The following FBXO6 variants were observed in gnomAD, a reference collection of about 807,000 sequenced individuals.
FBXO6 encodes F-box only protein 6.
A neutral mutation model predicts 25.0 loss-of-function variants in FBXO6; 13 were observed. That is an observed-to-expected ratio of 0.52 (90% CI 0.34 to 0.83). The LOEUF (loss-of-function observed/expected upper bound fraction) is 0.83, where lower values mean the gene tolerates loss of function less well. FBXO6 is among the 40% of genes least tolerant of loss of function. The pLI, the probability that FBXO6 is intolerant of heterozygous loss-of-function variation, is 0.02. For synonymous variants in FBXO6, 138 were observed against 155.3 expected, an observed-to-expected ratio of 0.89 and a Z score of 0.83; for missense variants, 370 against 380.2, an observed-to-expected ratio of 0.97 and a Z score of 0.22.
chr1:11,665,909 A>G (rs1020413919), intron 1 of FBXO6, among the ~76,000 whole-genome samples: 13 of 151,726 alleles, frequency 8.6e-5, no homozygotes, highest in Non-Finnish European at 1.9e-4. Flanking sequence ...CTAGACTACA[A>G]GCATTTTTAA....
At position 11,673,362 on chromosome 1, in the gene FBXO6, G is replaced by A. The variant is rs777302213; in HGVS notation, c.595G>A (p.Glu199Lys). ...TGACTACTTCGTGTTGGCCTCCTTC[G>A]AGCCCCCACCTGTGACCATCCAACA... Reference protein sequence around the residue: ...SADYFVLASFEPPPVTIQQWN... With the variant: ...SADYFVLASFKPPPVTIQQWN... Residue 199 changes from glutamate to lysine, a missense_variant, in exon 5 of 6, where the codon GAG becomes AAG. Glu to Lys is a moderately conservative substitution (Grantham distance 56). Transcript: ENST00000376753. This position sits in a 1 kb window ranked among gnomAD's most constrained non-coding sequence, Gnocchi z 4.3. 5.6e-6 allele frequency: 9 copies of A among 1,613,902 alleles called. No homozygotes were observed. Among genetic ancestry groups the A allele is most frequent in the East Asian group, 2.2e-5 (1 of 44,896 alleles).
At chr1:11,672,658 G>C (rs1178828299) in intron 4 of FBXO6, among the ~76,000 whole-genome samples, 3 of 152,134 alleles carry the variant, frequency 2.0e-5, no homozygotes, top group African/African-American at 7.2e-5. Context: ...GGAACCCCCA[G>C]GTCCCCTGAC....
chr1:11,669,671 TATGTACACATATATACGTATATATAC>T (rs1640554664), intron 2 of FBXO6, among the ~76,000 whole-genome samples: 1 of 141,812 alleles, frequency 7.1e-6, no homozygotes, highest in Admixed American at 6.9e-5. Flanking sequence ...CACATGTATA[TATGTACACATATATACGTATATATAC>T]ATATGTATAC....
chr1:11,671,803 G>A (rs552324857), intron 3 of FBXO6, 125 bp from the exon 4 acceptor site: 26 of 823,652 alleles, frequency 3.2e-5, no homozygotes, highest in Non-Finnish European at 3.5e-5. Context: ...GTCCCGCAGC[G>A]GCCAAGGGGT....
At chr1:11,671,423 T>C (rs1238805443) in intron 3 of FBXO6, 31 bp downstream of exon 3, 2 of 1,607,204 alleles carry the variant, frequency 1.2e-6, no homozygotes, top group East Asian at 4.5e-5. Context: ...CAGGCTTGCG[T>C]GGAGGGGACA....
Position 11,673,813 on chromosome 1 carries a change from G to A in FBXO6, c.844G>A (p.Ala282Thr). ...GCAGAAGCATGGACAGGAGGAGGCT[G>A]CCCAATCGCCCTACCGAGCTGTTGT... ...PGQKHGQEEA[A>T]QSPYRAVVQI... is the part of the protein sequence containing the mutation. Residue 282 changes from alanine (A) to threonine (T), a missense_variant, in exon 6 of 6, where the codon GCC (alanine) becomes ACC (threonine). Transcript: ENST00000376753. This position sits in a 1 kb window ranked among gnomAD's most constrained non-coding sequence, Gnocchi z 4.3. 1 of 1,614,120 alleles carries A rather than the reference G, an allele frequency of 6.2e-7. No individual in the cohort carries two copies. The highest frequency in any genetic ancestry group is 8.5e-7 in the Non-Finnish European group (1 of 1,180,034).
intron 1 of FBXO6, chr1:11,664,762 G>T (rs1640353306): frequency 1.3e-5 from 2 of 152,268 alleles, no homozygotes; most frequent in Non-Finnish European, 2.9e-5. Flanking sequence ...ACTAGAGCTT[G>T]CTGGGAGGGT....
chr1:11,668,790 G>A lies in FBXO6; in HGVS notation c.132G>A (p.Trp44Ter), dbSNP rs141454413. 11 of 1,614,020 alleles carry A rather than the reference G, an allele frequency of 6.8e-6. No homozygotes were observed. Among genetic ancestry groups the A allele is most frequent in the Non-Finnish European group, 7.6e-6 (9 of 1,180,050 alleles). ...ACTGCCGCCTGGTCTGCAGCCTCTGGCGGGACCTCATCGACCTCATGACCC... is the reference window on the plus strand; with the variant it reads ...ACTGCCGCCTGGTCTGCAGCCTCTGACGGGACCTCATCGACCTCATGACCC... ...LLNCRLVCSL[W>*]RDLIDLMTLW... Residue 44 changes from tryptophan to a stop codon, truncating the protein, a stop_gained, in exon 2 of 6, where the codon TGG (tryptophan) becomes TGA (stop). Transcript: ENST00000376753. LOFTEE classifies it high-confidence loss of function.
At chr1:11,670,657 A>T (rs1557673735) in intron 2 of FBXO6, among the ~76,000 whole-genome samples, 1 of 146,706 alleles carries the variant, frequency 6.8e-6, no homozygotes, top group South Asian at 2.2e-4. Flanking sequence ...GGGTGTCGCT[A>T]TGTTCCCCAG....
At chr1:11,668,979 C>T (rs761613615) in intron 2 of FBXO6, 35 bp downstream of exon 2, 1 of 1,604,276 alleles carries the variant, frequency 6.2e-7, no homozygotes, top group Non-Finnish European at 8.5e-7. Flanking sequence ...TGCCACCAGG[C>T]TCGTTCCTTC....
In FBXO6 at chr1:11,673,820, C is replaced by T. The variant is rs12125994; in HGVS notation, c.851C>T (p.Ser284Leu). The part of the protein sequence containing the change: ...QKHGQEEAAQ[S>L]PYRAVVQIF ...CATGGACAGGAGGAGGCTGCCCAAT[C>T]GCCCTACCGAGCTGTTGTCCAGATT... is the stretch of plus-strand genomic sequence containing the variant. Residue 284 changes from serine to leucine, a missense_variant, in exon 6 of 6, where the codon TCG (serine) becomes TTG (leucine). Transcript: ENST00000376753. The surrounding 1 kb of genome is among the most constrained non-coding windows in gnomAD (Gnocchi z 4.3). 7.4e-6 allele frequency: 12 copies of T among 1,613,998 alleles called. No homozygotes were observed. Among genetic ancestry groups the T allele is most frequent in the East Asian group, 6.7e-5 (3 of 44,894 alleles).
chr1:11,665,350 G>A (rs1470407744), intron 1 of FBXO6, among the ~76,000 whole-genome samples: 1 of 142,082 alleles, frequency 7.0e-6, no homozygotes. Context: ...TCAGCCTCCC[G>A]AGTAGCTGGG....
chr1:11,665,811 G>C (rs534883936), intron 1 of FBXO6, among the ~76,000 whole-genome samples: 1 of 151,780 alleles, frequency 6.6e-6, no homozygotes, highest in African/African-American at 2.4e-5. Flanking sequence ...CGCCCGCCTC[G>C]GCCTACCGAA....
In FBXO6 at chr1:11,673,565, C is replaced by A. The variant is rs1052016537; in HGVS notation, c.646-50C>A. On this transcript the variant is annotated intron_variant, in intron 5 of 5. Coordinates refer to ENST00000376753, the MANE Select transcript of FBXO6 (RefSeq NM_018438.6). The surrounding 1 kb of genome is among the most constrained non-coding windows in gnomAD (Gnocchi z 4.3). Reference sequence around the variant, plus strand: ...CTCTCTTAGAGGACCTGGCTCCTGCCTTCCCCTCCCCCGTCCCGGTGGTCA... The same window carrying A: ...CTCTCTTAGAGGACCTGGCTCCTGCATTCCCCTCCCCCGTCCCGGTGGTCA... The A allele has an allele frequency of 5.0e-5, 79 of 1,586,572 alleles. No homozygotes were observed. Among genetic ancestry groups the A allele is most frequent in the Non-Finnish European group, 6.7e-5 (78 of 1,160,548 alleles).
chr1:11,671,849 G>A (rs1640624143), intron 3 of FBXO6, 79 bp from the exon 4 acceptor site: 1 of 1,309,630 alleles, frequency 7.6e-7, no homozygotes, highest in East Asian at 2.4e-5. Flanking sequence ...TGGGCTCACA[G>A]GGGCTGCCAA....
chr1:11,667,794 A>C (rs974200597), intron 1 of FBXO6, among the ~76,000 whole-genome samples: 22 of 152,050 alleles, frequency 1.4e-4, no homozygotes, highest in African/African-American at 5.3e-4. Flanking sequence ...TGGGATGTAA[A>C]ACTGATTTTA....
chr1:11,664,281 G>C (rs1470860774), intron 1 of FBXO6, 26 bp downstream of exon 1: 1 of 152,108 alleles, frequency 6.6e-6, no homozygotes, highest in Non-Finnish European at 1.5e-5. Context: ...GCGAGGGTTA[G>C]GGGCCGGGCC....
intron 2 of FBXO6, among the ~76,000 whole-genome samples, chr1:11,669,928 CA>C (rs1314677215): frequency 1.4e-5 from 2 of 142,162 alleles, no homozygotes; most frequent in African/African-American, 2.6e-5. Context: ...TGAGCCACCA[CA>C]CCGCCGGGGG....
At position 11,671,919 on chromosome 1, in the gene FBXO6, G is replaced by A. The variant is rs927773772; in HGVS notation, c.414-9G>A. 1.9e-6 allele frequency: 3 copies of A among 1,613,204 alleles called. No individual in the cohort carries two copies. The highest frequency in any genetic ancestry group is 2.5e-6 in the Non-Finnish European group (3 of 1,179,270). ...CCCAGGTATGCAAGCCCCCAACTCT[G>A]CTCCCCAGAATGTGCCTCAAGTCCC... On this transcript the variant is annotated splice_polypyrimidine_tract_variant and intron_variant, in intron 3 of 5. Transcript: ENST00000376753.
Sources: gnomAD v4.1 joint callset for allele counts (sites outside exome capture counted in the v4.1 genomes callset) on GRCh38, gnomAD v4.1.1 for gene constraint, Gnocchi (gnomAD v3.1) non-coding constraint, MANE v1.5 for transcripts, NCBI Gene and HGNC (gene_info 2026-07-23, HGNC 2026-07-21) for gene names.